CSMD1: variants seen among roughly 807,000 people sequenced by gnomAD.
CSMD1 encodes the protein CUB and Sushi multiple domains 1.
CSMD1 carries 213 observed loss-of-function variants against 417.5 expected under a neutral mutation model. The ratio of observed to expected loss-of-function variants is 0.51; its 90% CI spans 0.46 to 0.57. CSMD1 has a LOEUF of 0.57. Among genes scored for constraint, CSMD1 ranks in the 20% least tolerant of loss-of-function variants. CSMD1 has a pLI of 0.00. For synonymous variants in CSMD1, 2,862 were observed against 1,736.8 expected, an observed-to-expected ratio of 1.65 and a Z score of -16.11; for missense variants, 6,923 against 4,529.7, an observed-to-expected ratio of 1.53 and a Z score of -15.17.
intron 3 of CSMD1, among the ~76,000 whole-genome samples, chr8:4,297,354 A>C (rs1488515532): frequency 6.6e-6 from 1 of 152,124 alleles, no homozygotes; most frequent in Non-Finnish European, 1.5e-5. Flanking sequence ...AAAACAAAAC[A>C]AAAGATAAAA....
intron 40 of CSMD1, among the ~76,000 whole-genome samples, chr8:3,148,618 T>C (rs903727393): frequency 8.5e-5 from 13 of 152,168 alleles, no homozygotes; most frequent in African/African-American, 2.4e-4. Flanking sequence ...CATGAATACA[T>C]AGAACTAATT....
intron 5 of CSMD1, among the ~76,000 whole-genome samples, chr8:3,897,973 T>C (rs1409579244): frequency 6.6e-6 from 1 of 152,188 alleles, no homozygotes; most frequent in African/African-American, 2.4e-5. Context: ...AATCAAAATC[T>C]AGTCACGGAG....
chr8:2,968,133 A>C (rs1359220052), intron 57 of CSMD1, among the ~76,000 whole-genome samples: 1 of 152,232 alleles, frequency 6.6e-6, no homozygotes, highest in Non-Finnish European at 1.5e-5. Flanking sequence ...TTTTATGATA[A>C]CTATACTATA....
chr8:3,722,538 A>G (rs1802246279), intron 6 of CSMD1, among the ~76,000 whole-genome samples: 1 of 152,088 alleles, frequency 6.6e-6, no homozygotes, highest in Admixed American at 6.5e-5. Context: ...CTGATCTATA[A>G]CCCTTCTTAC....
intron 41 of CSMD1, chr8:3,128,670 G>C (rs1817637485): frequency 6.0e-6 from 2 of 330,680 alleles, no homozygotes; most frequent in South Asian, 5.0e-5. Flanking sequence ...TGTCACCTCT[G>C]TCAGATATGA....
chr8:3,281,577 C>G (rs184671009), intron 26 of CSMD1, among the ~76,000 whole-genome samples: 47 of 152,286 alleles, frequency 3.1e-4, no homozygotes, highest in Non-Finnish European at 5.6e-4. Flanking sequence ...AAGAAGACAA[C>G]ATGAAAGGCC....
intron 7 of CSMD1, among the ~76,000 whole-genome samples, chr8:3,647,926 T>C (rs2117361333): frequency 6.6e-6 from 1 of 152,366 alleles, no homozygotes; most frequent in East Asian, 1.9e-4. Context: ...GTTTGTTTTG[T>C]TTGTAAGAGA....
intron 10 of CSMD1, among the ~76,000 whole-genome samples, chr8:3,522,032 G>T (rs1204797740): frequency 6.6e-6 from 1 of 152,136 alleles, no homozygotes; most frequent in African/African-American, 2.4e-5. Context: ...AATTACATTA[G>T]AGTATTGCCT....
At chr8:4,323,060 C>G (rs537877097) in intron 3 of CSMD1, among the ~76,000 whole-genome samples, 1 of 151,778 alleles carries the variant, frequency 6.6e-6, no homozygotes, top group Non-Finnish European at 1.5e-5. Context: ...GACCAGCCTA[C>G]AAATAGAGAG....
chr8:3,488,810 G>T (rs539432666), intron 11 of CSMD1, among the ~76,000 whole-genome samples: 119 of 152,276 alleles, frequency 7.8e-4, no homozygotes, highest in African/African-American at 2.8e-3. Context: ...CAGGCTCAAA[G>T]GCAGTGCCAT....
intron 12 of CSMD1, among the ~76,000 whole-genome samples, chr8:3,438,213 G>T (rs1467877790): frequency 6.6e-6 from 1 of 152,160 alleles, no homozygotes; most frequent in East Asian, 1.9e-4. Flanking sequence ...ATATGCAGTT[G>T]TAAGAGGTAA....
intron 5 of CSMD1, among the ~76,000 whole-genome samples, chr8:3,946,562 C>T (rs1811239816): frequency 6.6e-6 from 1 of 151,482 alleles, no homozygotes; most frequent in South Asian, 2.1e-4. Flanking sequence ...TTCCTAAAAA[C>T]AAACAAACAA....
intron 3 of CSMD1, among the ~76,000 whole-genome samples, chr8:4,414,314 A>G (rs1796809167): frequency 6.6e-6 from 1 of 152,124 alleles, no homozygotes; most frequent in Non-Finnish European, 1.5e-5. Flanking sequence ...ATCCTAAATC[A>G]CTTCCTGAAA....
chr8:4,455,478 TAAGAA>T (rs1475377376), intron 2 of CSMD1, among the ~76,000 whole-genome samples: 11 of 152,094 alleles, frequency 7.2e-5, no homozygotes, highest in Non-Finnish European at 1.3e-4. Context: ...ACAGCACATC[TAAGAA>T]TAGAGGAAGC....
intron 12 of CSMD1, among the ~76,000 whole-genome samples, chr8:3,438,048 A>C (rs1379580634): frequency 1.3e-5 from 2 of 152,178 alleles, no homozygotes; most frequent in East Asian, 3.9e-4. Flanking sequence ...TACAAATAAG[A>C]ATTAAGTATC....
chr8:4,837,900 TA>T (rs916798676), intron 1 of CSMD1, among the ~76,000 whole-genome samples: 41 of 150,496 alleles, frequency 2.7e-4, no homozygotes, highest in African/African-American at 8.8e-4. Context: ...ACCCCAAAAT[TA>T]AAAAAAAATA....
chr8:3,249,666 C>G (rs1049113137), intron 26 of CSMD1, among the ~76,000 whole-genome samples: 1 of 152,090 alleles, frequency 6.6e-6, no homozygotes, highest in Non-Finnish European at 1.5e-5. Context: ...GATGTATTAA[C>G]TTCAAACATG....
At chr8:4,150,787 T>C (rs1259192209) in intron 3 of CSMD1, among the ~76,000 whole-genome samples, 1 of 152,180 alleles carries the variant, frequency 6.6e-6, no homozygotes, top group African/African-American at 2.4e-5. Flanking sequence ...TTTAAATGTG[T>C]AGTTTGCGCA....
At chr8:3,417,559 G>C (rs1813232840) in intron 12 of CSMD1, among the ~76,000 whole-genome samples, 1 of 152,168 alleles carries the variant, frequency 6.6e-6, no homozygotes, top group Admixed American at 6.5e-5. Context: ...AATAGATAAG[G>C]TGTGTTCCAG....
Sources: gnomAD v4.1 joint callset for allele counts (sites outside exome capture counted in the v4.1 genomes callset) on GRCh38, gnomAD v4.1.1 for gene constraint, MANE v1.5 for transcripts, NCBI Gene and HGNC (gene_info 2026-07-23, HGNC 2026-07-21) for gene names.